Variants in TAOK2 observed in about 807,000 individuals in gnomAD.
The protein encoded by TAOK2 is serine/threonine-protein kinase TAO2.
TAOK2 carries 42 observed loss-of-function variants against 122.5 expected under a neutral mutation model. That is an observed-to-expected ratio of 0.34 (90% CI 0.27 to 0.44). TAOK2 has a LOEUF of 0.44. Among genes scored for constraint, TAOK2 ranks in the 20% least tolerant of loss-of-function variants. The probability of loss-of-function intolerance (pLI) is 1.00; values close to 1 mark genes in which losing one functional copy is unlikely to be tolerated. For missense variants in TAOK2, 1,264 were observed against 1,644.9 expected (o/e 0.77, Z 4.01); for synonymous variants, 704 against 677.6 (o/e 1.04, Z -0.61).
At position 29,986,964 on chromosome 16, in the gene TAOK2, G is replaced by A. The variant is rs145442196; in HGVS notation, c.2692G>A (p.Val898Ile). 8.1e-6 allele frequency: 13 copies of A among 1,613,736 alleles called. No individual in the cohort carries two copies. The South Asian group carries it at 8.8e-5, about 11-fold the overall frequency. ...GGTCCAGGGCCCAGCACTGACTCCC[G>A]TCCCTGAGGAGGAGGAAGAAGAGGA... ...GWVQGPALTP[V>I]PEEEEEEEEG... Residue 898 changes from valine (V) to isoleucine (I), a missense_variant, in exon 16 of 16, where the codon GTC becomes ATC. Coordinates refer to ENST00000308893, the MANE Select transcript of TAOK2 (RefSeq NM_016151.4). The surrounding 1 kb of genome is among the most constrained non-coding windows in gnomAD (Gnocchi z 4.2).
Position 29,987,001 on chromosome 16 carries a change from C to G in TAOK2, c.2729C>G (p.Pro910Arg). 1 of 1,612,964 alleles carries G rather than the reference C, an allele frequency of 6.2e-7. No individual in the cohort carries two copies. Among genetic ancestry groups the G allele is most frequent in the Non-Finnish European group, 8.5e-7 (1 of 1,179,326 alleles). ...EEEEEEEEGAPIGTPRDPGDG... is the reference protein window; with the variant it reads ...EEEEEEEEGARIGTPRDPGDG... ...GAGGAAGAAGAGGAAGAGGGGGCTCCGATTGGGACCCCTAGGGATCCTGGA... is the reference window on the plus strand; with the variant it reads ...GAGGAAGAAGAGGAAGAGGGGGCTCGGATTGGGACCCCTAGGGATCCTGGA... The change falls in exon 16 of 16, where the codon CCG (proline) becomes CGG (arginine). Residue 910 changes from proline to arginine, a missense_variant. Pro to Arg is a moderately radical substitution (Grantham distance 103, BLOSUM62 -2). Around this residue, in one of 4 missense-constraint regions of TAOK2, gnomAD observed 824 missense variants for 908.7 expected, o/e 0.91. Coordinates refer to ENST00000308893, the MANE Select transcript of TAOK2 (RefSeq NM_016151.4).
At chr16:29,990,918 G>A (rs78594589), downstream of TAOK2, 771 of 1,613,522 alleles carry the variant, frequency 4.8e-4, 3 homozygotes, top group Non-Finnish European at 3.2e-4. Context: ...GGGAGCTGCG[G>A]GAGCTGGAGC....
chr16:29,982,952 C>T, intron 11 of TAOK2, 51 bp downstream of exon 11: 1 of 1,607,134 alleles, frequency 6.2e-7, no homozygotes, highest in Non-Finnish European at 8.5e-7. Flanking sequence ...TGTGCCTGCC[C>T]CCTGCAGTTG....
At chr16:29,988,801 G>A (rs2069895899), downstream of TAOK2, 1 of 985,400 alleles carries the variant, frequency 1.0e-6, no homozygotes, top group Non-Finnish European at 1.2e-6. Flanking sequence ...ACAGTAGGGG[G>A]TGCTGAGCTG....
In TAOK2 at chr16:29,974,517, T is replaced by A. The variant is rs2069394004; in HGVS notation, c.-167T>A. ...AGGGGAGGCTTCCCGGGCCCGCCCC[T>A]CAGGAAGGGCGAAAGCCGAGGAAGA... On this transcript the variant is annotated 5_prime_UTR_variant, in exon 1 of 16. Transcript: ENST00000308893. The A allele has an allele frequency of 6.6e-6, 1 of 152,312 alleles. No homozygotes were observed. The highest frequency in any genetic ancestry group is 1.5e-5 in the Non-Finnish European group (1 of 67,944). 9.4% of individuals were successfully genotyped at this position (152,312 alleles called of 1,614,324 possible). A position where few individuals can be genotyped will look rare whatever the true frequency, so the allele number is the denominator to read the frequency against.
rs2069620579 is a variant in TAOK2, at chr16:29,981,661, C to G, written c.656C>G (p.Ala219Gly). ...WSLGITCIEL[A>G]ERKPPLFNMN... The stretch of plus-strand genomic sequence containing the variant: ...TCTTCCCTTTCACCTTTTTCTGTAG[C>G]TGAACGGAAACCACCGCTCTTTAAC... The change falls in exon 9 of 16, where the codon GCT becomes GGT. Residue 219 changes from alanine (A) to glycine (G), a missense_variant and splice_region_variant. Coordinates refer to ENST00000308893, the MANE Select transcript of TAOK2 (RefSeq NM_016151.4). 1 of 1,613,938 alleles carries G rather than the reference C, an allele frequency of 6.2e-7. No homozygotes were observed.
At chr16:29,976,954 T>C (rs1037701892) in intron 1 of TAOK2, among the ~76,000 whole-genome samples, 1 of 152,218 alleles carries the variant, frequency 6.6e-6, no homozygotes, top group African/African-American at 2.4e-5. Flanking sequence ...ATCTGTAAGA[T>C]AGGGGAAATC....
chr16:29,984,797 C>T (rs901213350), intron 13 of TAOK2, among the ~76,000 whole-genome samples: 1 of 152,080 alleles, frequency 6.6e-6, no homozygotes, highest in Non-Finnish European at 1.5e-5. Flanking sequence ...AGATAGAGTC[C>T]GAACTTACCC....
rs1346182054 is a variant in TAOK2, at chr16:29,974,452, G to C, written c.-232G>C. ...GTCGCCCTCGACGAGGGGGAGGACT[G>C]GACCGCGAGGTCAGATTAGGTTGTC... On this transcript the variant is annotated 5_prime_UTR_variant, in exon 1 of 16. Coordinates refer to ENST00000308893, the MANE Select transcript of TAOK2 (RefSeq NM_016151.4). 1 of 152,584 alleles carries C rather than the reference G, an allele frequency of 6.6e-6. No homozygotes were observed. Among genetic ancestry groups the C allele is most frequent in the African/African-American group, 2.4e-5 (1 of 41,444 alleles). 9.5% of individuals were successfully genotyped at this position (152,584 alleles called of 1,614,324 possible).
At chr16:29,991,515 A>T, downstream of TAOK2, 1 of 1,481,630 alleles carries the variant, frequency 6.7e-7, no homozygotes, top group South Asian at 1.4e-5. The surrounding 1 kb of genome is among the most constrained non-coding windows in gnomAD (Gnocchi z 5.6). Context: ...CCTGAGCCGC[A>T]GCACCAGTGT....
In TAOK2 at chr16:29,985,015, C is replaced by T; in HGVS notation, c.1423-198C>T. The T allele has an allele frequency of 1.6e-6, 1 of 615,906 alleles. No homozygotes were observed. The highest frequency in any genetic ancestry group is 2.4e-6 in the Non-Finnish European group (1 of 410,748). The allele number at this position is 615,906 out of a possible 1,614,324, so 38.2% of individuals were successfully genotyped here. On this transcript the variant is annotated intron_variant, in intron 13 of 15. Coordinates refer to ENST00000308893, the MANE Select transcript of TAOK2 (RefSeq NM_016151.4). This position sits in a 1 kb window ranked among gnomAD's most constrained non-coding sequence, Gnocchi z 6.9. Reference sequence around the variant, plus strand: ...TGCTCGCCACCTTTTATCATTCGGCCACACCAACTTGTGATGTAGATAATA... The same window carrying T: ...TGCTCGCCACCTTTTATCATTCGGCTACACCAACTTGTGATGTAGATAATA...
At chr16:29,991,457 C>G (rs762168987), downstream of TAOK2, 1 of 1,500,620 alleles carries the variant, frequency 6.7e-7, no homozygotes, top group South Asian at 1.3e-5. The surrounding 1 kb of genome is among the most constrained non-coding windows in gnomAD (Gnocchi z 5.6). Flanking sequence ...CCTCGGGGGG[C>G]AGTGGCAGTG....
In TAOK2 at chr16:29,983,054, C is replaced by G; in HGVS notation, c.1000-18C>G. On this transcript the variant is annotated intron_variant, in intron 11 of 15. Transcript: ENST00000308893. ...GGGCTTCCCCTTCCCTGTCCAGCAGCCTACGCCCTGTTCGCAGGAGGCCGA... is the reference window on the plus strand; with the variant it reads ...GGGCTTCCCCTTCCCTGTCCAGCAGGCTACGCCCTGTTCGCAGGAGGCCGA... The G allele has an allele frequency of 6.2e-7, 1 of 1,613,676 alleles. No homozygotes were observed. Among genetic ancestry groups the G allele is most frequent in the Non-Finnish European group, 8.5e-7 (1 of 1,179,944 alleles).
intron 4 of TAOK2, 80 bp from the exon 5 acceptor site, chr16:29,978,719 G>A (rs1417353871): frequency 6.5e-7 from 1 of 1,539,870 alleles, no homozygotes; most frequent in South Asian, 1.1e-5. Context: ...GACATAGCTT[G>A]AGTACAGGAC....
At chr16:29,991,393 G>A (rs577113584), downstream of TAOK2, 54 of 1,566,338 alleles carry the variant, frequency 3.4e-5, no homozygotes, top group East Asian at 9.4e-5. The surrounding 1 kb of genome is among the most constrained non-coding windows in gnomAD (Gnocchi z 5.6). Context: ...GGGACACCCC[G>A]TGGCGGAGCC....
intron 2 of TAOK2, 59 bp from the exon 3 acceptor site, chr16:29,978,030 A>G: frequency 6.2e-7 from 1 of 1,612,796 alleles, no homozygotes. Context: ...TGGGCCAGCA[A>G]GTCTTCCCAT....
chr16:29,985,616 G>A lies in TAOK2; in HGVS notation c.1788+38G>A. 2 of 1,604,540 alleles carry A rather than the reference G, an allele frequency of 1.2e-6. No homozygotes were observed. Among genetic ancestry groups the A allele is most frequent in the Non-Finnish European group, 8.5e-7 (1 of 1,173,038 alleles). On this transcript the variant is annotated intron_variant, in intron 14 of 15. Coordinates refer to ENST00000308893, the MANE Select transcript of TAOK2 (RefSeq NM_016151.4). The surrounding 1 kb of genome is among the most constrained non-coding windows in gnomAD (Gnocchi z 6.9). ...TGCTTGGGGGCGGAGCCGATGGCGA[G>A]CCAGGTGGGTCCTGACCCTGCTTCC...
chr16:29,974,918 G>A (rs1424974804), intron 1 of TAOK2, among the ~76,000 whole-genome samples: 7 of 152,190 alleles, frequency 4.6e-5, no homozygotes, highest in African/African-American at 1.7e-4. Context: ...CTAATCAGAT[G>A]GATTTGCACT....
Position 29,987,637 on chromosome 16 carries a change from G to GCGC in TAOK2, c.3366_3367insGCC (p.Gly1122_Phe1123insAla). On this transcript the variant is annotated inframe_insertion, in exon 16 of 16. Coordinates refer to ENST00000308893, the MANE Select transcript of TAOK2 (RefSeq NM_016151.4). ...CTGTACCCCAAAACCAACAAGGATGGCTTCCGCAGCCGCCTGCCCGTCCCT... is the reference window on the plus strand; with the variant it reads ...CTGTACCCCAAAACCAACAAGGATGGCGCCTTCCGCAGCCGCCTGCCCGTCCCT... 1 of 1,613,288 alleles carries GCGC rather than the reference G, an allele frequency of 6.2e-7. No individual in the cohort carries two copies. The highest frequency in any genetic ancestry group is 8.5e-7 in the Non-Finnish European group (1 of 1,179,466).
Sources: allele counts gnomAD v4.1 joint callset (sites outside exome capture counted in the v4.1 genomes callset), GRCh38; gene constraint gnomAD v4.1.1; regional missense constraint gnomAD v4.1.1; non-coding constraint Gnocchi (gnomAD v3.1); transcripts MANE v1.5; gene names NCBI Gene and HGNC (gene_info 2026-07-23, HGNC 2026-07-21).